Variants in EML1 observed in about 807,000 individuals in gnomAD.
The protein encoded by EML1 is EMAP like 1, also known as echinoderm microtubule-associated protein-like 1.
In EML1, 27 loss-of-function variants were observed where a neutral mutation model predicts 110.4. The ratio of observed to expected loss-of-function variants is 0.24; its 90% CI spans 0.18 to 0.34. The LOEUF is 0.34. EML1 is among the 10% of genes least tolerant of loss of function. The pLI, the probability that EML1 is intolerant of heterozygous loss-of-function variation, is 1.00. For synonymous variants in EML1, 344 were observed against 385.8 expected, an observed-to-expected ratio of 0.89 and a Z score of 1.27; for missense variants, 741 against 1,030.9, an observed-to-expected ratio of 0.72 and a Z score of 3.85.
intron 1 of EML1, among the ~76,000 whole-genome samples, chr14:99,816,147 G>A (rs1159682457): frequency 2.0e-5 from 3 of 152,112 alleles, no homozygotes; most frequent in Admixed American, 6.5e-5. Flanking sequence ...CCGACTAGAC[G>A]TACTTTCACT....
intron 9 of EML1, among the ~76,000 whole-genome samples, chr14:99,906,135 C>G (rs1442370851): frequency 6.6e-6 from 1 of 152,076 alleles, no homozygotes. Flanking sequence ...CACCACTTAC[C>G]CAAAGTCAGC....
chr14:99,891,319 C>G (rs2059584047), intron 5 of EML1, 92 bp downstream of exon 5: 1 of 1,513,662 alleles, frequency 6.6e-7, no homozygotes, highest in Admixed American at 1.8e-5. Context: ...CAGGGGCCAG[C>G]CTTGGACACA....
At chr14:99,763,131 C>A (rs935756873) in intron 1 of EML1, among the ~76,000 whole-genome samples, 1 of 152,142 alleles carries the variant, frequency 6.6e-6, no homozygotes, top group Non-Finnish European at 1.5e-5. Flanking sequence ...CTTTGCCTGC[C>A]GCCATCTATG....
chr14:99,843,308 G>A (rs1423254880), intron 1 of EML1, among the ~76,000 whole-genome samples: 2 of 152,122 alleles, frequency 1.3e-5, no homozygotes, highest in Admixed American at 6.5e-5. Context: ...GATTTAAAAA[G>A]CAAATATTAT....
chr14:99,933,112 A>G (rs1304162907), intron 17 of EML1, among the ~76,000 whole-genome samples: 1 of 152,194 alleles, frequency 6.6e-6, no homozygotes, highest in Non-Finnish European at 1.5e-5. Context: ...ATCCCAAGAA[A>G]CAAAACAAAA....
intron 1 of EML1, among the ~76,000 whole-genome samples, chr14:99,836,437 G>A (rs1342870605): frequency 6.6e-6 from 1 of 152,138 alleles, no homozygotes; most frequent in Non-Finnish European, 1.5e-5. Context: ...TTTCTACATA[G>A]ACATTTATAT....
intron 8 of EML1, among the ~76,000 whole-genome samples, chr14:99,900,174 T>C (rs1033343893): frequency 4.9e-5 from 7 of 142,214 alleles, no homozygotes; most frequent in African/African-American, 1.9e-4. Flanking sequence ...CCCAAGAATA[T>C]TAAGCTCTTT....
chr14:99,780,941 T>C (rs906795965), intron 1 of EML1, among the ~76,000 whole-genome samples: 6 of 152,162 alleles, frequency 3.9e-5, no homozygotes, highest in Admixed American at 2.6e-4. Flanking sequence ...TCTTAGAACG[T>C]ATCCCATCGT....
In EML1 at chr14:99,936,366, C is replaced by T; in HGVS notation, c.2095+32C>T. The T allele has an allele frequency of 1.3e-6, 2 of 1,597,830 alleles. No homozygotes were observed. Among genetic ancestry groups the T allele is most frequent in the South Asian group, 1.1e-5 (1 of 90,516 alleles). ...ACCACCCCGGGGTTGTATGAAGTCTCGATCTCAGAAAGCGTTCACTCTGAG... is the reference window on the plus strand; with the variant it reads ...ACCACCCCGGGGTTGTATGAAGTCTTGATCTCAGAAAGCGTTCACTCTGAG... On this transcript the variant is annotated intron_variant, in intron 19 of 21. Coordinates refer to ENST00000262233, the MANE Select transcript of EML1 (RefSeq NM_004434.3). The surrounding 1 kb of genome is among the most constrained non-coding windows in gnomAD (Gnocchi z 5.5).
At chr14:99,885,470 A>T (rs1377080900) in intron 4 of EML1, among the ~76,000 whole-genome samples, 5 of 152,246 alleles carry the variant, frequency 3.3e-5, no homozygotes, top group African/African-American at 9.6e-5. Context: ...TCCATCATTG[A>T]CAGAAACACC....
rs368836398 is a variant in EML1, at chr14:99,936,162, A to G, written c.2007+36A>G. ...ACAGTGGACCTGTCGCTTCTCATGCACTGCGTATAGTTTAACTACCGTGGA... is the reference window on the plus strand; with the variant it reads ...ACAGTGGACCTGTCGCTTCTCATGCGCTGCGTATAGTTTAACTACCGTGGA... On this transcript the variant is annotated intron_variant, in intron 18 of 21. Transcript: ENST00000262233. This position sits in a 1 kb window ranked among gnomAD's most constrained non-coding sequence, Gnocchi z 5.5. The G allele has an allele frequency of 6.2e-7, 1 of 1,613,170 alleles. No individual in the cohort carries two copies. The highest frequency in any genetic ancestry group is 1.7e-5 in the Admixed American group (1 of 60,026).
intron 1 of EML1, among the ~76,000 whole-genome samples, chr14:99,836,595 A>G (rs908297311): frequency 1.3e-4 from 20 of 152,086 alleles, no homozygotes; most frequent in African/African-American, 4.8e-4. Context: ...GTTCTTGTCT[A>G]CTAATCCTAT....
intron 1 of EML1, chr14:99,850,480 C>A: frequency 3.1e-6 from 2 of 636,686 alleles, no homozygotes; most frequent in Non-Finnish European, 4.8e-6. Context: ...AGCTAGAAGA[C>A]CATGCAGACT....
intron 4 of EML1, among the ~76,000 whole-genome samples, chr14:99,887,375 G>T (rs768460668): frequency 5.3e-5 from 8 of 152,254 alleles, no homozygotes; most frequent in Admixed American, 3.3e-4. Context: ...TGTTCACCGG[G>T]GGGGCAAATC....
upstream of EML1, among the ~76,000 whole-genome samples, chr14:99,793,057 G>C (rs113021255): frequency 0.12 from 18,232 of 151,356 alleles, 2,013 homozygotes; most frequent in African/African-American, 0.29. Flanking sequence ...CCGCGCCCCC[G>C]CAAGGGCCGC....
chr14:99,790,766 G>A (rs957921006), upstream of EML1, among the ~76,000 whole-genome samples: 1 of 152,132 alleles, frequency 6.6e-6, no homozygotes, highest in Non-Finnish European at 1.5e-5. Flanking sequence ...GAACCCACCT[G>A]TGCCAGGCGG....
intron 3 of EML1, among the ~76,000 whole-genome samples, chr14:99,869,275 A>G (rs940377118): frequency 1.3e-5 from 2 of 152,192 alleles, no homozygotes; most frequent in Non-Finnish European, 1.5e-5. Flanking sequence ...AATTCTTGCA[A>G]CATTACAACT....
chr14:99,783,616 CTGGGACAACAGGTG>C (rs2057567096), intron 1 of EML1, among the ~76,000 whole-genome samples: 1 of 151,874 alleles, frequency 6.6e-6, no homozygotes, highest in Non-Finnish European at 1.5e-5. Context: ...TCCTGAGTAG[CTGGGACAACAGGTG>C]TGGGCCTCCA....
chr14:99,765,306 C>G (rs2140193207), intron 1 of EML1, among the ~76,000 whole-genome samples: 1 of 152,078 alleles, frequency 6.6e-6, no homozygotes, highest in East Asian at 1.9e-4. Context: ...TTGTACAATC[C>G]TCACTCCCAT....
Sources: allele counts gnomAD v4.1 joint callset (sites outside exome capture counted in the v4.1 genomes callset), GRCh38; gene constraint gnomAD v4.1.1; non-coding constraint Gnocchi (gnomAD v3.1); transcripts MANE v1.5; gene names NCBI Gene and HGNC (gene_info 2026-07-23, HGNC 2026-07-21).